The following ATP9B variants were observed in gnomAD, a reference collection of about 807,000 sequenced individuals.
The protein encoded by ATP9B is probable phospholipid-transporting ATPase IIB.
In ATP9B, 110 loss-of-function variants were observed where a neutral mutation model predicts 146.1. The ratio of observed to expected loss-of-function variants is 0.75; its 90% CI spans 0.65 to 0.88. The LOEUF (loss-of-function observed/expected upper bound fraction) is 0.88. Ranked by LOEUF, ATP9B falls within the 40% of genes least tolerant of loss-of-function variation. The pLI is 0.00. For missense variants in ATP9B, 1,499 were observed against 1,496.4 expected, an observed-to-expected ratio of 1.00 and a Z score of -0.03; for synonymous variants, 604 against 569.7, an observed-to-expected ratio of 1.06 and a Z score of -0.86.
intron 12 of ATP9B, among the ~76,000 whole-genome samples, chr18:79,267,531 C>CA (rs1258031189): frequency 6.6e-6 from 1 of 151,922 alleles, no homozygotes; most frequent in Non-Finnish European, 1.5e-5. Context: ...GGTTGCATTT[C>CA]AAAAGTTTTC....
intron 9 of ATP9B, 32 bp from the exon 10 acceptor site, chr18:79,206,905 C>T (rs762485029): frequency 1.5e-5 from 24 of 1,593,796 alleles, no homozygotes; most frequent in Admixed American, 3.3e-5. Context: ...AATCATTTGA[C>T]GGTTTTGTTT....
intron 1 of ATP9B, among the ~76,000 whole-genome samples, chr18:79,084,123 C>T (rs1370732785): frequency 2.6e-5 from 4 of 151,250 alleles, no homozygotes; most frequent in Non-Finnish European, 5.9e-5. Flanking sequence ...TCCCAAATTG[C>T]TGGGATTACA....
At chr18:79,359,572 A>C (rs781720478) in intron 26 of ATP9B, 110 bp downstream of exon 26, 7 of 804,396 alleles carry the variant, frequency 8.7e-6, no homozygotes, top group Non-Finnish European at 1.5e-5. Context: ...TTTGTGAAAA[A>C]CGATTCTCTG....
chr18:79,341,901 T>C (rs1369143890), intron 19 of ATP9B, among the ~76,000 whole-genome samples: 3 of 152,210 alleles, frequency 2.0e-5, no homozygotes, highest in Non-Finnish European at 4.4e-5. Flanking sequence ...ACGGAAACTG[T>C]CCATCTCCCC....
rs370655715 is a variant in ATP9B, at chr18:79,246,789, A to G, written c.1108-6592A>G. On this transcript the variant is annotated intron_variant, in intron 11 of 29. Transcript: ENST00000426216. ...AGGTGTGAGTACGACTCTGAGACAGATGACTCTGAGACAGACGTGAGCACC... is the reference window on the plus strand; with the variant it reads ...AGGTGTGAGTACGACTCTGAGACAGGTGACTCTGAGACAGACGTGAGCACC... Among the ~76,000 whole-genome samples, 59 of 152,316 alleles carry G rather than the reference A, an allele frequency of 3.9e-4. 1 individual carries two copies. Among genetic ancestry groups the G allele is most frequent in the African/African-American group, 1.3e-3 (56 of 41,572 alleles).
intron 5 of ATP9B, among the ~76,000 whole-genome samples, chr18:79,127,351 C>A (rs930451025): frequency 1.3e-5 from 2 of 152,026 alleles, no homozygotes; most frequent in African/African-American, 2.4e-5. Flanking sequence ...AGGCAGTGGT[C>A]GTTCTTGCTG....
At chr18:79,299,739 A>C (rs1268250639) in intron 13 of ATP9B, among the ~76,000 whole-genome samples, 2 of 152,206 alleles carry the variant, frequency 1.3e-5, no homozygotes, top group Admixed American at 1.3e-4. Flanking sequence ...CACTCTATGA[A>C]GTTTTGCAGC....
intron 11 of ATP9B, among the ~76,000 whole-genome samples, chr18:79,243,976 A>G (rs1044378654): frequency 6.6e-6 from 1 of 152,228 alleles, no homozygotes; most frequent in Admixed American, 6.5e-5. Context: ...GTAGAAACTA[A>G]TCTGTATCAT....
intron 15 of ATP9B, among the ~76,000 whole-genome samples, chr18:79,324,192 G>T (rs1021680016): frequency 6.6e-6 from 1 of 152,026 alleles, no homozygotes; most frequent in African/African-American, 2.4e-5. Flanking sequence ...TGATCTGGTA[G>T]ATTCTGCTTA....
At position 79,126,328 on chromosome 18, in the gene ATP9B, G is replaced by A. The variant is rs773068417; in HGVS notation, c.620G>A (p.Arg207His). Residue 207 changes from arginine (R) to histidine (H), a missense_variant, in exon 5 of 30, where the codon CGT (arginine) becomes CAT (histidine). Coordinates refer to ENST00000426216, the MANE Select transcript of ATP9B (RefSeq NM_198531.5). The stretch of plus-strand genomic sequence containing the variant: ...ATTGATGAATTTCGGCGTTTTCAGC[G>A]TGACAAGGAAGTGAATTCACAACTA... ...EAIDEFRRFQ[R>H]DKEVNSQLYS... 41 of 1,611,742 alleles carry A rather than the reference G, an allele frequency of 2.5e-5. No homozygotes were observed. In the African/African-American group the frequency reaches 2.7e-4, roughly 10 times the overall value.
Position 79,176,686 on chromosome 18 carries a change from G to A in ATP9B, c.779-127G>A, listed in dbSNP as rs1038873455. 28 of 702,460 alleles carry A rather than the reference G, an allele frequency of 4.0e-5. No individual in the cohort carries two copies. In the African/African-American group the frequency reaches 4.6e-4, roughly 11 times the overall value. 43.5% of individuals were successfully genotyped at this position (702,460 alleles called of 1,614,324 possible). Reference sequence around the variant, plus strand: ...AAGTTTTTAAGGAGTTTTGTTCCTGGGAATATCTAGATTGTTATTTCTTTG... The same window carrying A: ...AAGTTTTTAAGGAGTTTTGTTCCTGAGAATATCTAGATTGTTATTTCTTTG... On this transcript the variant is annotated intron_variant, in intron 7 of 29. Transcript: ENST00000426216.
At chr18:79,201,008 A>G (rs1443920064) in intron 9 of ATP9B, among the ~76,000 whole-genome samples, 2 of 152,230 alleles carry the variant, frequency 1.3e-5, no homozygotes, top group East Asian at 3.8e-4. Flanking sequence ...GCTTCACCCC[A>G]TGAGGCACAA....
At chr18:79,144,477 C>T (rs2094552738) in intron 6 of ATP9B, among the ~76,000 whole-genome samples, 1 of 152,144 alleles carries the variant, frequency 6.6e-6, no homozygotes, top group Non-Finnish European at 1.5e-5. Flanking sequence ...GAGTGTGCAA[C>T]CTAGGTCCCT....
intron 25 of ATP9B, among the ~76,000 whole-genome samples, chr18:79,358,767 G>A (rs866554068): frequency 4.1e-5 from 4 of 97,772 alleles, no homozygotes; most frequent in Admixed American, 9.9e-5. Context: ...GTCTGGAGGT[G>A]TCTGTGTGAG....
chr18:79,294,214 A>G (rs1461512730), intron 13 of ATP9B, among the ~76,000 whole-genome samples: 1 of 152,234 alleles, frequency 6.6e-6, no homozygotes, highest in African/African-American at 2.4e-5. Context: ...TTGCATTTAG[A>G]AATGCCAGAG....
chr18:79,109,432 C>G (rs2075858144), intron 2 of ATP9B, among the ~76,000 whole-genome samples: 1 of 151,908 alleles, frequency 6.6e-6, no homozygotes, highest in Non-Finnish European at 1.5e-5. Context: ...ACTATTGGAA[C>G]AGGGTAAATG....
At chr18:79,231,376 C>A (rs1046875604) in intron 11 of ATP9B, among the ~76,000 whole-genome samples, 1 of 151,892 alleles carries the variant, frequency 6.6e-6, no homozygotes, top group Non-Finnish European at 1.5e-5. Context: ...TACAAATGGC[C>A]AACAAATATA....
intron 20 of ATP9B, among the ~76,000 whole-genome samples, chr18:79,343,094 T>G (rs970626718): frequency 1.3e-5 from 2 of 152,208 alleles, no homozygotes; most frequent in African/African-American, 4.8e-5. Flanking sequence ...ATGAATCGCT[T>G]GCACCTACAG....
At chr18:79,285,191 A>G (rs1414048440) in intron 13 of ATP9B, among the ~76,000 whole-genome samples, 9 of 151,352 alleles carry the variant, frequency 5.9e-5, no homozygotes, top group East Asian at 1.9e-4. Flanking sequence ...CTGAGGAATC[A>G]CCACACTGAC....
Sources: gnomAD v4.1 joint callset for allele counts (sites outside exome capture counted in the v4.1 genomes callset) on GRCh38, gnomAD v4.1.1 for gene constraint, MANE v1.5 for transcripts, NCBI Gene and HGNC (gene_info 2026-07-23, HGNC 2026-07-21) for gene names.